Variants in GRM7 observed in about 807,000 individuals in gnomAD.
GRM7 encodes glutamate metabotropic receptor 7.
Under a neutral mutation model 84.5 loss-of-function variants are expected in GRM7, and 35 were observed. The ratio of observed to expected loss-of-function variants is 0.41; its 90% confidence interval spans 0.32 to 0.55. The LOEUF (loss-of-function observed/expected upper bound fraction) is 0.55, where lower values mean the gene tolerates loss of function less well. GRM7 is among the 20% of genes least tolerant of loss of function. The pLI is 0.19. For synonymous variants in GRM7, 487 were observed against 455.1 expected (o/e 1.07, Z -0.89); for missense variants, 1,003 against 1,194.6 (o/e 0.84, Z 2.36).
Position 7,451,135 on chromosome 3 carries a change from A to G in GRM7, c.1175-1472A>G, listed in dbSNP as rs142913833. On this transcript the variant is annotated intron_variant, in intron 5 of 9. Transcript: ENST00000357716. ...AATATTGCTGTGAAAGTGAAATGCAATTTGTGGATAATTCTTCTTCATAGA... is the reference window on the plus strand; with the variant it reads ...AATATTGCTGTGAAAGTGAAATGCAGTTTGTGGATAATTCTTCTTCATAGA... Among the ~76,000 whole-genome samples the G allele has an allele frequency of 1.1e-3, 164 of 152,344 alleles. 1 individual carries two copies. Among genetic ancestry groups the G allele is most frequent in the African/African-American group, 3.8e-3 (160 of 41,574 alleles).
At chr3:7,461,300 C>A (rs905299234) in intron 6 of GRM7, among the ~76,000 whole-genome samples, 1 of 152,012 alleles carries the variant, frequency 6.6e-6, no homozygotes, top group African/African-American at 2.4e-5. Flanking sequence ...AGGTTTTATT[C>A]CTCAGAAAGG....
chr3:6,923,182 T>C (rs544748591), intron 1 of GRM7, among the ~76,000 whole-genome samples: 64 of 152,112 alleles, frequency 4.2e-4, no homozygotes, highest in Middle Eastern at 3.4e-3. Context: ...GCCTGGCTAA[T>C]TTTTGTATTT....
At chr3:7,309,943 C>A (rs1700333342) in intron 4 of GRM7, among the ~76,000 whole-genome samples, 1 of 152,160 alleles carries the variant, frequency 6.6e-6, no homozygotes, top group African/African-American at 2.4e-5. Flanking sequence ...AGTGTGTCTG[C>A]ATTGTCTGAT....
At chr3:7,536,761 C>A (rs1227174871) in intron 7 of GRM7, among the ~76,000 whole-genome samples, 1 of 152,156 alleles carries the variant, frequency 6.6e-6, no homozygotes, top group African/African-American at 2.4e-5. Context: ...GATCCTTCAG[C>A]CCCAATTCAA....
intron 9 of GRM7, chr3:7,681,652 G>A (rs1202113110): frequency 6.6e-6 from 1 of 152,206 alleles, no homozygotes; most frequent in East Asian, 1.9e-4. Flanking sequence ...TGTCTCCAGA[G>A]CAAGTGGCCA....
chr3:6,872,956 A>C (rs1412075689), intron 1 of GRM7, among the ~76,000 whole-genome samples: 1 of 152,200 alleles, frequency 6.6e-6, no homozygotes, highest in African/African-American at 2.4e-5. Context: ...AGAATGATTT[A>C]TAATCCTCTG....
chr3:7,361,995 A>AT (rs1306292881), intron 4 of GRM7, among the ~76,000 whole-genome samples: 1 of 152,240 alleles, frequency 6.6e-6, no homozygotes, highest in East Asian at 1.9e-4. Context: ...ATCCATGTTG[A>AT]TTCATCAGGC....
intron 8 of GRM7, among the ~76,000 whole-genome samples, chr3:7,654,639 T>C (rs1699099999): frequency 6.6e-6 from 1 of 152,214 alleles, no homozygotes; most frequent in Admixed American, 6.5e-5. Flanking sequence ...TCTCCACTAA[T>C]CAGCTCTGTG....
chr3:7,715,135 A>C (rs1424509652), intron 9 of GRM7, among the ~76,000 whole-genome samples: 2 of 152,180 alleles, frequency 1.3e-5, no homozygotes, highest in African/African-American at 4.8e-5. Context: ...AATTATCTGT[A>C]TCACATCTTC....
At chr3:6,920,411 T>G (rs572061436) in intron 1 of GRM7, among the ~76,000 whole-genome samples, 1 of 152,024 alleles carries the variant, frequency 6.6e-6, no homozygotes, top group Admixed American at 6.6e-5. Context: ...AAAAATTAGC[T>G]GGGCATGGTG....
intron 8 of GRM7, among the ~76,000 whole-genome samples, chr3:7,648,293 G>T (rs371406514): frequency 8.6e-5 from 13 of 151,386 alleles, no homozygotes; most frequent in African/African-American, 2.4e-4. Context: ...TTGGCCATGA[G>T]GGGGAAGGAA....
intron 5 of GRM7, among the ~76,000 whole-genome samples, chr3:7,444,819 C>A (rs566482579): frequency 2.6e-5 from 4 of 152,128 alleles, no homozygotes; most frequent in Non-Finnish European, 4.4e-5. Flanking sequence ...GAATAGCCCC[C>A]CAGGAAGCAT....
In GRM7 at chr3:7,345,274, CT is replaced by C. The variant is rs200971436; in HGVS notation, c.1033+38636del. 8.5e-3 allele frequency among the ~76,000 whole-genome samples: 1,202 copies of C among 141,728 alleles called. 10 individuals are homozygous for C. Among genetic ancestry groups the C allele is most frequent in the African/African-American group, 0.023 (897 of 38,968 alleles). The allele number at this position is 141,728 out of a possible 152,430, so 93.0% of individuals were successfully genotyped here. ...CTGTCTCATATCTTAACAATTATTC[CT>C]TTTTTTTTTTTTTCTTTGAGACAGA... On this transcript the variant is annotated intron_variant, in intron 4 of 9. Transcript: ENST00000357716.
chr3:7,353,505 C>G (rs1289103915), intron 4 of GRM7, among the ~76,000 whole-genome samples: 2 of 152,048 alleles, frequency 1.3e-5, no homozygotes, highest in Admixed American at 6.6e-5. Context: ...CATGAATGAG[C>G]TGGAGATGCC....
At chr3:7,042,791 A>G (rs183569054) in intron 1 of GRM7, among the ~76,000 whole-genome samples, 61 of 152,066 alleles carry the variant, frequency 4.0e-4, no homozygotes, top group Non-Finnish European at 7.5e-4. Flanking sequence ...ATTCATTTCA[A>G]TTGATTTATT....
At position 7,188,609 on chromosome 3, in the gene GRM7, T is replaced by A. The variant is rs1440720770; in HGVS notation, c.736+41941T>A. Among the ~76,000 whole-genome samples, 1 of 152,178 alleles carries A rather than the reference T, an allele frequency of 6.6e-6. No individual in the cohort carries two copies. Among genetic ancestry groups the A allele is most frequent in the Non-Finnish European group, 1.5e-5 (1 of 68,028 alleles). On this transcript the variant is annotated intron_variant, in intron 2 of 9. Coordinates refer to ENST00000357716, the MANE Select transcript of GRM7 (RefSeq NM_000844.4). This position sits in a 1 kb window ranked among gnomAD's most constrained non-coding sequence, Gnocchi z 4.2. Reference sequence around the variant, plus strand: ...GGAATAATGAGAAAAGATATTGGAATAAAGGATCTACTTGAGTGTATAAGG... The same window carrying A: ...GGAATAATGAGAAAAGATATTGGAAAAAAGGATCTACTTGAGTGTATAAGG...
intron 7 of GRM7, among the ~76,000 whole-genome samples, chr3:7,523,487 A>G (rs1700678306): frequency 6.6e-6 from 1 of 152,150 alleles, no homozygotes; most frequent in African/African-American, 2.4e-5. Context: ...CCGAGCTGGT[A>G]GAAGTGTACA....
chr3:7,447,822 A>G (rs540987412), intron 5 of GRM7, among the ~76,000 whole-genome samples: 167 of 151,810 alleles, frequency 1.1e-3, no homozygotes, highest in African/African-American at 4.0e-3. Context: ...ATATGTATAC[A>G]TGTGCCATGC....
intron 2 of GRM7, among the ~76,000 whole-genome samples, chr3:7,267,191 C>T (rs1698674180): frequency 6.6e-6 from 1 of 152,130 alleles, no homozygotes; most frequent in Non-Finnish European, 1.5e-5. Context: ...ATACTGATTA[C>T]AGGAAATCAA....
Sources: gnomAD v4.1 joint callset for allele counts (sites outside exome capture counted in the v4.1 genomes callset) on GRCh38, gnomAD v4.1.1 for gene constraint, Gnocchi (gnomAD v3.1) non-coding constraint, MANE v1.5 for transcripts, NCBI Gene and HGNC (gene_info 2026-07-23, HGNC 2026-07-21) for gene names.